KDM4C: variants seen among roughly 807,000 people sequenced by gnomAD.
KDM4C encodes lysine-specific demethylase 4C.
KDM4C carries 81 observed loss-of-function variants against 129.3 expected under a neutral mutation model. The observed-to-expected ratio is 0.63, with a 90% CI of 0.52 to 0.75. The LOEUF (loss-of-function observed/expected upper bound fraction) is 0.75. KDM4C is among the 30% of genes least tolerant of loss of function. KDM4C has a pLI of 0.00. For missense variants in KDM4C, 1,457 were observed against 1,304.0 expected (o/e 1.12, Z -1.81); for synonymous variants, 573 against 456.1 (o/e 1.26, Z -3.26).
intron 18 of KDM4C, among the ~76,000 whole-genome samples, chr9:7,118,804 C>T (rs1376277262): frequency 6.6e-6 from 1 of 152,080 alleles, no homozygotes; most frequent in Admixed American, 6.5e-5. Context: ...AGATAGAGAA[C>T]CCAGTTGGGG....
chr9:7,054,581 A>C (rs1830620934), intron 17 of KDM4C, among the ~76,000 whole-genome samples: 1 of 152,240 alleles, frequency 6.6e-6, no homozygotes, highest in Non-Finnish European at 1.5e-5. Context: ...GTTTGGAGAC[A>C]GATCACTGTA....
At chr9:7,116,337 C>T (rs1049396339) in intron 18 of KDM4C, among the ~76,000 whole-genome samples, 4 of 119,014 alleles carry the variant, frequency 3.4e-5, no homozygotes, top group Non-Finnish European at 7.2e-5. Context: ...TTAATTATAC[C>T]TTAAAAATGT....
chr9:6,988,088 A>G (rs1818045068), intron 11 of KDM4C, among the ~76,000 whole-genome samples: 1 of 148,592 alleles, frequency 6.7e-6, no homozygotes, highest in Admixed American at 6.8e-5. Flanking sequence ...TCAGGAATTC[A>G]AGGCTGCAGT....
At chr9:7,142,853 CTG>C (rs59576344) in intron 19 of KDM4C, among the ~76,000 whole-genome samples, 47 of 149,742 alleles carry the variant, frequency 3.1e-4, no homozygotes, top group Middle Eastern at 3.4e-3. Flanking sequence ...CTCATACAGG[CTG>C]TGTGTGTGTG....
chr9:7,096,672 TA>T (rs2133090378), intron 17 of KDM4C, among the ~76,000 whole-genome samples: 1 of 152,146 alleles, frequency 6.6e-6, no homozygotes, highest in Non-Finnish European at 1.5e-5. Context: ...GTGCCTTTAA[TA>T]AAAAGGCAGC....
intron 8 of KDM4C, among the ~76,000 whole-genome samples, chr9:6,896,832 G>C (rs979707903): frequency 6.6e-6 from 1 of 152,158 alleles, no homozygotes; most frequent in Non-Finnish European, 1.5e-5. Flanking sequence ...CACTGGGAGG[G>C]GTTCAAGGTC....
chr9:7,155,597 A>C (rs886168231), intron 19 of KDM4C, among the ~76,000 whole-genome samples: 2 of 152,138 alleles, frequency 1.3e-5, no homozygotes, highest in African/African-American at 2.4e-5. Context: ...TATGAGTGAG[A>C]ACATGCAGTG....
intron 8 of KDM4C, among the ~76,000 whole-genome samples, chr9:6,913,940 T>G (rs1332581158): frequency 6.6e-6 from 1 of 152,304 alleles, no homozygotes; most frequent in East Asian, 1.9e-4. Flanking sequence ...ACAGTCAGGG[T>G]TTAAGCACTC....
chr9:7,014,205 G>A, intron 14 of KDM4C: 1 of 510,864 alleles, frequency 2.0e-6, no homozygotes, highest in South Asian at 3.2e-5. Flanking sequence ...AGTATCCGTG[G>A]AGAGCAGGTC....
At chr9:6,958,234 A>G (rs1829419013) in intron 8 of KDM4C, among the ~76,000 whole-genome samples, 1 of 152,180 alleles carries the variant, frequency 6.6e-6, no homozygotes, top group Non-Finnish European at 1.5e-5. Context: ...ATAATAATAC[A>G]ATAGTATTTT....
chr9:7,144,410 A>G (rs1309225169), intron 19 of KDM4C, among the ~76,000 whole-genome samples: 1 of 152,178 alleles, frequency 6.6e-6, no homozygotes, highest in Non-Finnish European at 1.5e-5. Flanking sequence ...CATTTGCTCA[A>G]AACCTTGCAC....
intron 19 of KDM4C, among the ~76,000 whole-genome samples, chr9:7,155,428 T>A (rs1720211652): frequency 6.6e-6 from 1 of 152,188 alleles, no homozygotes; most frequent in Non-Finnish European, 1.5e-5. Context: ...TACATAGGTA[T>A]ACATGTGCCA....
chr9:6,767,253 C>T (rs1820813270), intron 1 of KDM4C, among the ~76,000 whole-genome samples: 1 of 152,018 alleles, frequency 6.6e-6, no homozygotes, highest in African/African-American at 2.4e-5. Flanking sequence ...ATTCTCCTGC[C>T]TCAGCCTCCC....
At chr9:7,021,821 T>C (rs757786981) in intron 15 of KDM4C, among the ~76,000 whole-genome samples, 3 of 152,228 alleles carry the variant, frequency 2.0e-5, no homozygotes, top group Non-Finnish European at 2.9e-5. Context: ...CATTTTGATT[T>C]GATTTTTGTA....
chr9:6,722,803 G>A (rs552579114), intron 1 of KDM4C, among the ~76,000 whole-genome samples: 2 of 152,002 alleles, frequency 1.3e-5, no homozygotes, highest in South Asian at 4.2e-4. Context: ...ATGAGCCACC[G>A]CATCCGGCCT....
At chr9:6,863,952 C>G (rs1394850192) in intron 5 of KDM4C, among the ~76,000 whole-genome samples, 1 of 152,144 alleles carries the variant, frequency 6.6e-6, no homozygotes, top group Non-Finnish European at 1.5e-5. Flanking sequence ...AAACACCTCC[C>G]ATTAGGCCCC....
At chr9:6,846,430 GTA>G (rs1213984322) in intron 4 of KDM4C, among the ~76,000 whole-genome samples, 1 of 152,176 alleles carries the variant, frequency 6.6e-6, no homozygotes, top group Non-Finnish European at 1.5e-5. Context: ...TTTGGTCTAA[GTA>G]TATGAGACAG....
At chr9:6,738,181 A>AAACTAAACTT (rs1157826085) in intron 1 of KDM4C, among the ~76,000 whole-genome samples, 1 of 136,080 alleles carries the variant, frequency 7.3e-6, no homozygotes, top group African/African-American at 2.8e-5. Flanking sequence ...AAACTAAACT[A>AAACTAAACTT]AAAAACAGAT....
At chr9:7,157,041 T>G (rs1843255607) in intron 19 of KDM4C, among the ~76,000 whole-genome samples, 1 of 152,222 alleles carries the variant, frequency 6.6e-6, no homozygotes, top group African/African-American at 2.4e-5. Context: ...AGCAGTGGTT[T>G]GTAGTTCTCC....
Sources: gnomAD v4.1 joint callset for allele counts (sites outside exome capture counted in the v4.1 genomes callset) on GRCh38, gnomAD v4.1.1 for gene constraint, MANE v1.5 for transcripts, NCBI Gene and HGNC (gene_info 2026-07-23, HGNC 2026-07-21) for gene names.